The following FCHSD1 variants were observed in gnomAD, a reference collection of about 807,000 sequenced individuals.
The protein encoded by FCHSD1 is FCH and double SH3 domains 1, also known as F-BAR and double SH3 domains protein 1.
Under a neutral mutation model 101.3 loss-of-function variants are expected in FCHSD1, and 109 were observed. The observed-to-expected ratio is 1.08, with a 90% CI of 0.92 to 1.26. FCHSD1 has a LOEUF of 1.26. Among genes scored for constraint, FCHSD1 ranks in the 50% most tolerant of loss-of-function variants. FCHSD1 has a pLI of 0.00. For synonymous variants in FCHSD1, 291 were observed against 356.8 expected (o/e 0.82, Z 2.08); for missense variants, 820 against 895.8 (o/e 0.92, Z 1.08).
chr5:141,643,998 C>T (rs929136101), intron 17 of FCHSD1, among the ~76,000 whole-genome samples: 5 of 152,192 alleles, frequency 3.3e-5, no homozygotes, highest in Admixed American at 6.5e-5. Context: ...GAAATTTGAA[C>T]TCAGATCTAT....
At chr5:141,647,555 CCCCCAG>C (rs746090848) in intron 8 of FCHSD1, 35 bp from the exon 9 acceptor site, 1 of 1,607,216 alleles carries the variant, frequency 6.2e-7, no homozygotes, top group Non-Finnish European at 8.5e-7. Flanking sequence ...CACCACCCTT[CCCCCAG>C]ACCTCTACTG....
At chr5:141,648,168 A>G in intron 7 of FCHSD1, 72 bp from the exon 8 acceptor site, 2 of 1,508,178 alleles carry the variant, frequency 1.3e-6, no homozygotes. Flanking sequence ...TTGAGAAGCC[A>G]GATCCAGAAT....
rs755741628 is a variant in FCHSD1 at position 141,640,340 on chromosome 5, C to T, written c.*1158G>A. On this transcript the variant is annotated 3_prime_UTR_variant, in exon 20 of 20. Transcript: ENST00000435817. ...ACTGCACTGGGCTGGGCTCTTATTGCTCTCTACTCTGGGGGGCACTGATAG... is the reference window on the plus strand; with the variant it reads ...ACTGCACTGGGCTGGGCTCTTATTGTTCTCTACTCTGGGGGGCACTGATAG... 3 of 1,613,996 alleles carry T rather than the reference C, an allele frequency of 1.9e-6. No homozygotes were observed. The highest frequency in any genetic ancestry group is 1.7e-6 in the Non-Finnish European group (2 of 1,179,918).
In FCHSD1 at chr5:141,649,247, CG is replaced by C. The variant is rs765905768; in HGVS notation, c.436del (p.Arg146GlufsTer27). ...CCGCTGCCCATACAGCTTCCGACTT[CG>C]GCTCAGCTCCCGGACAGACTGCAGC... is the stretch of plus-strand genomic sequence containing the variant. Reference protein sequence around the residue: ...EVLQSVRELSRSRKLYGQRER... With the variant: ...EVLQSVRELSXSRKLYGQRER... On this transcript the variant is annotated frameshift_variant, in exon 6 of 20. Coordinates refer to ENST00000435817, the MANE Select transcript of FCHSD1 (RefSeq NM_033449.3). LOFTEE classifies it high-confidence loss of function. This position sits in a 1 kb window ranked among gnomAD's most constrained non-coding sequence, Gnocchi z 4.1. The C allele has an allele frequency of 9.9e-6, 16 of 1,613,898 alleles. No individual in the cohort carries two copies. In the African/African-American group the frequency reaches 1.7e-4, roughly 17 times the overall value.
rs546296136 is a variant in FCHSD1, at chr5:141,642,718, G to C, written c.1951+283C>G. The stretch of plus-strand genomic sequence containing the variant: ...AGGCACAATGCTGTGTAGTCCACAG[G>C]CATCTTTTTTAACTCTCATAAGAAT... On this transcript the variant is annotated intron_variant, in intron 18 of 19. Coordinates refer to ENST00000435817, the MANE Select transcript of FCHSD1 (RefSeq NM_033449.3). 330 of 542,850 alleles carry C rather than the reference G, an allele frequency of 6.1e-4. 3 individuals are homozygous for C. The South Asian group carries it at 6.5e-3, about 11-fold the overall frequency. The allele number at this position is 542,850 out of a possible 1,614,324, so 33.6% of individuals were successfully genotyped here. A position where few individuals can be genotyped will look rare whatever the true frequency, so the allele number is the denominator to read the frequency against.
intron 7 of FCHSD1, 134 bp downstream of exon 7, chr5:141,648,823 C>T (rs538271084): frequency 5.1e-6 from 5 of 989,790 alleles, no homozygotes; most frequent in Non-Finnish European, 7.7e-6. Context: ...GTAAATTAAC[C>T]AAGGTTACCC....
rs530465012 is a variant in FCHSD1 at position 141,641,909 on chromosome 5, A to G, written c.1952-152T>C. The G allele has an allele frequency of 2.9e-4, 233 of 789,892 alleles. No homozygotes were observed. In the African/African-American group the frequency reaches 3.7e-3, roughly 12 times the overall value. The allele number at this position is 789,892 out of a possible 1,614,324, so 48.9% of individuals were successfully genotyped here. A position where few individuals can be genotyped will look rare whatever the true frequency, so the allele number is the denominator to read the frequency against. ...TCCATCACTCTATCCACTGTCCTCA[A>G]CATTTATTGGGCAACTGCTGTATAA... On this transcript the variant is annotated intron_variant, in intron 18 of 19. Transcript: ENST00000435817.
rs2099906745 is a variant in FCHSD1 at position 141,640,597 on chromosome 5, T to G, written c.*901A>C. 64 of 1,544,754 alleles carry G rather than the reference T, an allele frequency of 4.1e-5. No homozygotes were observed. The highest frequency in any genetic ancestry group is 5.6e-5 in the Non-Finnish European group (64 of 1,145,102). ...GGTTTGGTGGTGGAGGTAGGGAAGG[T>G]CCTGGAGCCCCAGGGGAAAAGCTGG... On this transcript the variant is annotated 3_prime_UTR_variant, in exon 20 of 20. Coordinates refer to ENST00000435817, the MANE Select transcript of FCHSD1 (RefSeq NM_033449.3).
Position 141,641,540 on chromosome 5 carries a change from C to A in FCHSD1, c.2031G>T (p.Pro677=). The A allele has an allele frequency of 1.3e-6, 2 of 1,519,096 alleles. No homozygotes were observed. The highest frequency in any genetic ancestry group is 8.8e-7 in the Non-Finnish European group (1 of 1,132,304). 94.1% of individuals were successfully genotyped at this position (1,519,096 alleles called of 1,614,324 possible). A position where few individuals can be genotyped will look rare whatever the true frequency, so the allele number is the denominator to read the frequency against. The change falls in exon 20 of 20, where the codon CCG becomes CCT. Residue 677 remains proline (P), a synonymous_variant. Coordinates refer to ENST00000435817, the MANE Select transcript of FCHSD1 (RefSeq NM_033449.3). ...LRPMRPPPPP[P]AKAPDPGHPD... ...GGTGGCCAGGATCCGGGGCTTTAGC[C>A]GGCGGGGGAGGTGGTGGACGCATCT...
chr5:141,648,206 A>G lies in FCHSD1; in HGVS notation c.577-110T>C, dbSNP rs1022062052. ...ATTCTCACATTATTGAGTGCTTACT[A>G]TGTGCCTGGCACTACACTAAAAATG... On this transcript the variant is annotated intron_variant, in intron 7 of 19. Transcript: ENST00000435817. 18 of 1,365,344 alleles carry G rather than the reference A, an allele frequency of 1.3e-5. No individual in the cohort carries two copies. In the African/African-American group the frequency reaches 1.6e-4, roughly 12 times the overall value. The allele number at this position is 1,365,344 out of a possible 1,614,324, so 84.6% of individuals were successfully genotyped here. A position where few individuals can be genotyped will look rare whatever the true frequency, so the allele number is the denominator to read the frequency against.
At chr5:141,648,863 C>A in intron 7 of FCHSD1, 94 bp downstream of exon 7, 1 of 1,442,040 alleles carries the variant, frequency 6.9e-7, no homozygotes, top group Non-Finnish European at 9.7e-7. Flanking sequence ...CTGGATTCAA[C>A]CCAGTCTTTC....
At chr5:141,650,928 C>A in intron 2 of FCHSD1, 92 bp downstream of exon 2, 1 of 1,260,120 alleles carries the variant, frequency 7.9e-7, no homozygotes, top group Non-Finnish European at 1.1e-6. Flanking sequence ...GAGCTCTTGG[C>A]CCCTGTTCCT....
chr5:141,650,912 G>C (rs1440018900), intron 2 of FCHSD1, 108 bp downstream of exon 2: 3 of 1,072,370 alleles, frequency 2.8e-6, no homozygotes, highest in East Asian at 5.2e-5. Flanking sequence ...GGATGGGTCG[G>C]CTGGGGAGCT....
chr5:141,642,956 T>A (rs1158530008), intron 18 of FCHSD1, 45 bp downstream of exon 18: 2 of 1,532,200 alleles, frequency 1.3e-6, no homozygotes, highest in Admixed American at 4.0e-5. Flanking sequence ...TTCCTCCTTC[T>A]TCCTGTCTGT....
chr5:141,650,327 C>T (rs2099908219), intron 3 of FCHSD1, 32 bp downstream of exon 3: 1 of 1,613,794 alleles, frequency 6.2e-7, no homozygotes, highest in Non-Finnish European at 8.5e-7. Flanking sequence ...GAGGCTGGAA[C>T]AAGAGGTAAG....
chr5:141,648,958 T>C lies in FCHSD1; in HGVS notation c.575A>G (p.Lys192Arg), dbSNP rs1160582499. ...SRTSLQKLST[K>R]LSAQSAQYSQ... ...CACTCATGCCCTCATCCCTCGAACCTTGGTGCTCAGTTTCTGGAGACTGGT... is the reference window on the plus strand; with the variant it reads ...CACTCATGCCCTCATCCCTCGAACCCTGGTGCTCAGTTTCTGGAGACTGGT... The change falls in exon 7 of 20, where the codon AAG becomes AGG. Residue 192 changes from lysine (K) to arginine (R), a missense_variant and splice_region_variant. Physicochemically the swap from Lys to Arg is conservative, Grantham distance 26 (BLOSUM62 2). Coordinates refer to ENST00000435817, the MANE Select transcript of FCHSD1 (RefSeq NM_033449.3). The C allele has an allele frequency of 1.2e-6, 2 of 1,613,960 alleles. No homozygotes were observed. Among genetic ancestry groups the C allele is most frequent in the South Asian group, 2.2e-5 (2 of 91,076 alleles).
Position 141,639,371 on chromosome 5 carries a change from G to A in FCHSD1, c.*2127C>T. ...GGGGCTTGGGGAAATTGGGGCTTCTGGGGTTTTAAGGAGCATGCTGAAAGA... is the reference window on the plus strand; with the variant it reads ...GGGGCTTGGGGAAATTGGGGCTTCTAGGGTTTTAAGGAGCATGCTGAAAGA... On this transcript the variant is annotated 3_prime_UTR_variant, in exon 20 of 20. Coordinates refer to ENST00000435817, the MANE Select transcript of FCHSD1 (RefSeq NM_033449.3). The surrounding 1 kb of genome is among the most constrained non-coding windows in gnomAD (Gnocchi z 4.4). 2 of 1,052,532 alleles carry A rather than the reference G, an allele frequency of 1.9e-6. No homozygotes were observed. Among genetic ancestry groups the A allele is most frequent in the East Asian group, 2.5e-5 (1 of 40,312 alleles). 65.2% of individuals were successfully genotyped at this position (1,052,532 alleles called of 1,614,324 possible).
At chr5:141,648,881 T>C (rs1184771056) in intron 7 of FCHSD1, 76 bp downstream of exon 7, 2 of 1,533,488 alleles carry the variant, frequency 1.3e-6, no homozygotes, top group Non-Finnish European at 9.0e-7. Context: ...TTCATACATA[T>C]GCACCTATGT....
chr5:141,650,415 T>TATC lies in FCHSD1; in HGVS notation c.120-12_120-11insGAT. On this transcript the variant is annotated splice_polypyrimidine_tract_variant and intron_variant, in intron 2 of 19. Coordinates refer to ENST00000435817, the MANE Select transcript of FCHSD1 (RefSeq NM_033449.3). ...TGCTTGCTGTAGGATCTGCGGAGAT[T>TATC]GCAGGTCGGGGGTGAGGTGGGGGAT... The TATC allele has an allele frequency of 6.2e-7, 1 of 1,613,874 alleles. No individual in the cohort carries two copies. Among genetic ancestry groups the TATC allele is most frequent in the Non-Finnish European group, 8.5e-7 (1 of 1,179,850 alleles).
Sources: gnomAD v4.1 joint callset for allele counts (sites outside exome capture counted in the v4.1 genomes callset) on GRCh38, gnomAD v4.1.1 for gene constraint, Gnocchi (gnomAD v3.1) non-coding constraint, MANE v1.5 for transcripts, NCBI Gene and HGNC (gene_info 2026-07-23, HGNC 2026-07-21) for gene names.